The following ZNF444 variants were observed in gnomAD, a reference collection of about 807,000 sequenced individuals.
ZNF444 encodes zinc finger protein 444, also known as endothelial zinc finger protein 2.
In ZNF444, 8 loss-of-function variants were observed where a neutral mutation model predicts 14.4. That is an observed-to-expected ratio of 0.56 (90% CI 0.33 to 1.00). The LOEUF is 1.00. Among genes scored for constraint, ZNF444 ranks in the 50% least tolerant of loss-of-function variants. The pLI is 0.03. For missense variants in ZNF444, 510 were observed against 504.8 expected, an observed-to-expected ratio of 1.01 and a Z score of -0.10; for synonymous variants, 258 against 235.9, an observed-to-expected ratio of 1.09 and a Z score of -0.86.
chr19:56,141,025 T>C (rs2030759928), upstream of ZNF444: 2 of 152,126 alleles, frequency 1.3e-5, no homozygotes, highest in African/African-American at 2.4e-5. Context: ...CAAGGCCAAA[T>C]AGGCTGCAGA....
Position 56,159,630 on chromosome 19 carries a change from C to T in ZNF444, c.413C>T (p.Thr138Ile). ...EDSGMIPLAG[T>I]APGAEGPAPG... Reference sequence around the variant, plus strand: ...ACTCTCTTTCTTTTCCCAGCAGGCACCGCCCCTGGGGCTGAGGGGCCGGCG... The same window carrying T: ...ACTCTCTTTCTTTTCCCAGCAGGCATCGCCCCTGGGGCTGAGGGGCCGGCG... The change falls in exon 5 of 5, where the codon ACC (threonine) becomes ATC (isoleucine). Residue 138 changes from threonine (T) to isoleucine (I), a missense_variant. Physicochemically the swap from Thr to Ile is moderately conservative, Grantham distance 89 (BLOSUM62 -1). Coordinates refer to ENST00000337080, the MANE Select transcript of ZNF444 (RefSeq NM_018337.4). 1 of 1,437,688 alleles carries T rather than the reference C, an allele frequency of 7.0e-7. No individual in the cohort carries two copies. 89.1% of individuals were successfully genotyped at this position (1,437,688 alleles called of 1,614,324 possible).
chr19:56,138,632 CAAAT>C (rs1169578348), upstream of ZNF444, among the ~76,000 whole-genome samples: 10 of 151,956 alleles, frequency 6.6e-5, no homozygotes, highest in Non-Finnish European at 1.5e-4. Flanking sequence ...GACCCTGTCT[CAAAT>C]AAATAAATTA....
chr19:56,139,045 C>G (rs890270289), upstream of ZNF444, among the ~76,000 whole-genome samples: 1 of 152,042 alleles, frequency 6.6e-6, no homozygotes, highest in South Asian at 2.1e-4. Flanking sequence ...CCGCACGCCT[C>G]GGTCTCCCAA....
At position 56,147,294 on chromosome 19, in the gene ZNF444, A is replaced by G. The variant is rs543653253; in HGVS notation, c.297+86A>G. 1 of 1,339,688 alleles carries G rather than the reference A, an allele frequency of 7.5e-7. No homozygotes were observed. Among genetic ancestry groups the G allele is most frequent in the East Asian group, 3.0e-5 (1 of 32,904 alleles). 83.0% of individuals were successfully genotyped at this position (1,339,688 alleles called of 1,614,324 possible). On this transcript the variant is annotated intron_variant, in intron 3 of 4. Coordinates refer to ENST00000337080, the MANE Select transcript of ZNF444 (RefSeq NM_018337.4). The surrounding 1 kb of genome is among the most constrained non-coding windows in gnomAD (Gnocchi z 5.9). ...GGAAGCCCAGGGAGGAGCACCACTGAACCCCTGAAAACCAGTGTGACTCGC... is the reference window on the plus strand; with the variant it reads ...GGAAGCCCAGGGAGGAGCACCACTGGACCCCTGAAAACCAGTGTGACTCGC...
chr19:56,134,409 A>G (rs1417199581), intron 1 of ZNF444, among the ~76,000 whole-genome samples: 1 of 152,308 alleles, frequency 6.6e-6, no homozygotes, highest in East Asian at 1.9e-4. Flanking sequence ...GGAGCTGGGT[A>G]CAGCAGGCAA....
intron 4 of ZNF444, 37 bp from the exon 5 acceptor site, chr19:56,159,587 G>T: frequency 7.1e-7 from 1 of 1,414,212 alleles, no homozygotes; most frequent in South Asian, 1.5e-5. Context: ...CCCCGCCCTC[G>T]TGCCGACCCA....
At chr19:56,143,931 A>T (rs2123472256) in intron 1 of ZNF444, among the ~76,000 whole-genome samples, 1 of 152,064 alleles carries the variant, frequency 6.6e-6, no homozygotes, top group Non-Finnish European at 1.5e-5. Flanking sequence ...GTAAGCAAAG[A>T]TTGGGGGGAA....
At chr19:56,143,157 G>A (rs1343463674) in intron 1 of ZNF444, among the ~76,000 whole-genome samples, 1 of 152,202 alleles carries the variant, frequency 6.6e-6, no homozygotes, top group Admixed American at 6.5e-5. Flanking sequence ...TGGTAGGGTG[G>A]ATTGACATGG....
At chr19:56,140,048 G>A (rs778297506), upstream of ZNF444, among the ~76,000 whole-genome samples, 1 of 152,232 alleles carries the variant, frequency 6.6e-6, no homozygotes, top group Non-Finnish European at 1.5e-5. Flanking sequence ...TTAGGCCACC[G>A]TGGGCAAACT....
upstream of ZNF444, among the ~76,000 whole-genome samples, chr19:56,138,266 A>T (rs1314964956): frequency 6.6e-6 from 1 of 152,172 alleles, no homozygotes; most frequent in Non-Finnish European, 1.5e-5. Context: ...TGCCAAGTTA[A>T]ATAAGTCAGT....
At chr19:56,140,083 C>CT (rs2030716677), upstream of ZNF444, among the ~76,000 whole-genome samples, 15 of 152,342 alleles carry the variant, frequency 9.8e-5, no homozygotes, top group South Asian at 3.1e-3. Context: ...GAGTCAGCCA[C>CT]TCATCGCTTG....
chr19:56,146,750 G>A (rs907975010), intron 2 of ZNF444, 140 bp from the exon 3 acceptor site: 1 of 648,390 alleles, frequency 1.5e-6, no homozygotes, highest in Non-Finnish European at 2.2e-6. Context: ...ATCCGCCACT[G>A]CACTCCAACC....
intron 1 of ZNF444, chr19:56,141,850 G>A (rs770124114): frequency 6.6e-6 from 1 of 152,122 alleles, no homozygotes; most frequent in Non-Finnish European, 1.5e-5. Flanking sequence ...TAGATACGGC[G>A]CAGGTGGCTC....
chr19:56,147,898 G>A lies in ZNF444; in HGVS notation c.297+690G>A, dbSNP rs1323894118. Among the ~76,000 whole-genome samples the A allele has an allele frequency of 6.6e-6, 1 of 152,164 alleles. No individual in the cohort carries two copies. Among genetic ancestry groups the A allele is most frequent in the Non-Finnish European group, 1.5e-5 (1 of 68,026 alleles). On this transcript the variant is annotated intron_variant, in intron 3 of 4. Coordinates refer to ENST00000337080, the MANE Select transcript of ZNF444 (RefSeq NM_018337.4). This position sits in a 1 kb window ranked among gnomAD's most constrained non-coding sequence, Gnocchi z 5.9. ...GCAAGGGCCGACTCACGTTCTGGGT[G>A]AAGTCTTGGTGCACAGCCACACCCA...
chr19:56,141,551 AG>A (rs932532367), intron 1 of ZNF444, among the ~76,000 whole-genome samples, 194 bp downstream of exon 1: 2 of 43,928 alleles, frequency 4.6e-5, no homozygotes, highest in Admixed American at 2.6e-4. Flanking sequence ...GGACTTGGAG[AG>A]GGGGAGGGGT....
rs2031234792 is a variant in ZNF444, at chr19:56,147,015, G to T, written c.104G>T (p.Arg35Leu). The change falls in exon 3 of 5, where the codon CGG becomes CTG. Residue 35 changes from arginine (R) to leucine (L), a missense_variant. Arg to Leu is a moderately radical substitution (Grantham distance 102, BLOSUM62 -2). Coordinates refer to ENST00000337080, the MANE Select transcript of ZNF444 (RefSeq NM_018337.4). This position sits in a 1 kb window ranked among gnomAD's most constrained non-coding sequence, Gnocchi z 5.9. ...RFHLGDAPGP[R>L]EALGLLRALC... ...CACCTGGGCGACGCGCCGGGCCCGC[G>T]GGAGGCGCTGGGGCTGCTCCGCGCC... The T allele has an allele frequency of 6.8e-7, 1 of 1,467,490 alleles. No individual in the cohort carries two copies. Among genetic ancestry groups the T allele is most frequent in the Non-Finnish European group, 8.9e-7 (1 of 1,118,298 alleles). The allele number at this position is 1,467,490 out of a possible 1,614,324, so 90.9% of individuals were successfully genotyped here.
chr19:56,158,271 G>A (rs909294324), intron 3 of ZNF444: 1 of 472,152 alleles, frequency 2.1e-6, no homozygotes, highest in Non-Finnish European at 3.8e-6. Flanking sequence ...GCTGTCATCT[G>A]AAGGTTGGTG....
intron 3 of ZNF444, among the ~76,000 whole-genome samples, chr19:56,152,534 G>T (rs532838291): frequency 1.4e-5 from 2 of 146,540 alleles, no homozygotes; most frequent in South Asian, 2.2e-4. Context: ...ATAGGTTTCT[G>T]TGTGAATACA....
At position 56,147,200 on chromosome 19, in the gene ZNF444, G is replaced by A; in HGVS notation, c.289G>A (p.Glu97Lys). 6.9e-7 allele frequency: 1 copy of A among 1,447,824 alleles called. No homozygotes were observed. Among genetic ancestry groups the A allele is most frequent in the Non-Finnish European group, 9.0e-7 (1 of 1,105,938 alleles). 89.7% of individuals were successfully genotyped at this position (1,447,824 alleles called of 1,614,324 possible). A position where few individuals can be genotyped will look rare whatever the true frequency, so the allele number is the denominator to read the frequency against. Residue 97 changes from glutamate to lysine, a missense_variant, in exon 3 of 5, where the codon GAG becomes AAG. By Grantham distance (56) the Glu-to-Lys change is moderately conservative. Transcript: ENST00000337080. This position sits in a 1 kb window ranked among gnomAD's most constrained non-coding sequence, Gnocchi z 5.9. ...SGEEAVALLE[E>K]LWGPAASPDG... is the part of the protein sequence containing the mutation. ...GGAGGAGGCGGTGGCCCTGCTGGAG[G>A]AGCTCTGGGTGAGCCTGGCGGGACT...
Sources: gnomAD v4.1 joint callset for allele counts (sites outside exome capture counted in the v4.1 genomes callset) on GRCh38, gnomAD v4.1.1 for gene constraint, Gnocchi (gnomAD v3.1) non-coding constraint, MANE v1.5 for transcripts, NCBI Gene and HGNC (gene_info 2026-07-23, HGNC 2026-07-21) for gene names.